The following ZNF600 variants were observed in gnomAD, a reference collection of about 807,000 sequenced individuals.
ZNF600 encodes the protein zinc finger protein 600, also known as zinc finger protein KR-ZNF1.
ZNF600 carries 4 observed loss-of-function variants against 7.3 expected under a neutral mutation model. That is an observed-to-expected ratio of 0.55 (90% CI 0.27 to 1.25). ZNF600 has a LOEUF of 1.25. Ranked by LOEUF, ZNF600 falls within the 50% of genes most tolerant of loss-of-function variation. The probability of loss-of-function intolerance (pLI) is 0.12; values close to 1 mark genes in which losing one functional copy is unlikely to be tolerated. For missense variants in ZNF600, 911 were observed against 922.1 expected (o/e 0.99, Z 0.16); for synonymous variants, 290 against 308.9 (o/e 0.94, Z 0.64).
At position 52,765,303 on chromosome 19, in the gene ZNF600, C is replaced by G. The variant is rs141033461; in HGVS notation, c.*284G>C. On this transcript the variant is annotated 3_prime_UTR_variant, in exon 4 of 4. Transcript: ENST00000648973. The stretch of plus-strand genomic sequence containing the variant: ...TCTCTGATGTCTAATGAGGTGTGAA[C>G]ATGAAGTAAAGGCTTTGCCACAATC... 1.2e-3 allele frequency: 803 copies of G among 653,468 alleles called. 4 individuals are homozygous for G. The African/African-American group carries it at 0.013, about 10-fold the overall frequency. The allele number at this position is 653,468 out of a possible 1,614,324, so 40.5% of individuals were successfully genotyped here. A position where few individuals can be genotyped will look rare whatever the true frequency, so the allele number is the denominator to read the frequency against.
exon 4 of ZNF600, chr19:52,767,143 G>A (rs748482282): frequency 1.2e-6 from 2 of 1,614,156 alleles, no homozygotes; most frequent in African/African-American, 1.3e-5. Context: ...TGGCATGTAA[G>A]GTATTGCTTG....
At chr19:52,773,569 G>C (rs1444271586) in intron 3 of ZNF600, among the ~76,000 whole-genome samples, 2 of 152,106 alleles carry the variant, frequency 1.3e-5, no homozygotes, top group Non-Finnish European at 2.9e-5. Flanking sequence ...AGGTAGAGAT[G>C]TGTTTGTGAA....
At chr19:52,772,970 A>G (rs567970437) in intron 3 of ZNF600, among the ~76,000 whole-genome samples, 62 of 152,378 alleles carry the variant, frequency 4.1e-4, no homozygotes, top group African/African-American at 1.4e-3. Context: ...CACTGATTTA[A>G]GCGGCCTCCT....
At chr19:52,773,729 C>A (rs561327504) in intron 3 of ZNF600, among the ~76,000 whole-genome samples, 1 of 152,012 alleles carries the variant, frequency 6.6e-6, no homozygotes, top group East Asian at 1.9e-4. Context: ...AATATTAGCC[C>A]GGCATGGTGG....
chr19:52,817,770 T>G, the ZNF600 span, among the ~76,000 whole-genome samples: 1 of 152,092 alleles, frequency 6.6e-6, no homozygotes. Flanking sequence ...TTCATGTCAC[T>G]GGGTCACCAG....
intron 2 of ZNF600, among the ~76,000 whole-genome samples, chr19:52,777,031 G>A (rs1381775307): frequency 6.6e-6 from 1 of 152,042 alleles, no homozygotes; most frequent in African/African-American, 2.4e-5. Context: ...ATGTAAGAAA[G>A]CATCCTGTAC....
At chr19:52,809,787 A>T in the ZNF600 span, 3 of 504,440 alleles carry the variant, frequency 5.9e-6, no homozygotes, top group Middle Eastern at 5.6e-4. Flanking sequence ...CCTGGGTGAC[A>T]GAGCGAAAAA....
chr19:52,790,445 T>C (rs1168388124), upstream of ZNF600, among the ~76,000 whole-genome samples: 1 of 152,088 alleles, frequency 6.6e-6, no homozygotes, highest in Non-Finnish European at 1.5e-5. Context: ...TGCAGTGAGT[T>C]GAGATCGCAT....
At chr19:52,784,245 GA>G (rs1318579661) in intron 1 of ZNF600, among the ~76,000 whole-genome samples, 1 of 148,272 alleles carries the variant, frequency 6.7e-6, no homozygotes, top group Non-Finnish European at 1.5e-5. Flanking sequence ...AACAAACAAA[GA>G]AAAAAAACAA....
At chr19:52,765,968 G>A (rs768900506) in exon 4 of ZNF600, 16 of 1,614,160 alleles carry the variant, frequency 9.9e-6, no homozygotes, top group Non-Finnish European at 1.4e-5. Flanking sequence ...GTCTTGCCAG[G>A]TATGAATTAC....
At chr19:52,780,369 T>C (rs1490334237) in intron 1 of ZNF600, among the ~76,000 whole-genome samples, 2 of 151,986 alleles carry the variant, frequency 1.3e-5, no homozygotes, top group Non-Finnish European at 2.9e-5. Context: ...AGGCTGCTTG[T>C]CACTTGCAGC....
At chr19:52,789,364 T>C (rs1327004605), upstream of ZNF600, among the ~76,000 whole-genome samples, 1 of 152,218 alleles carries the variant, frequency 6.6e-6, no homozygotes, top group East Asian at 1.9e-4. Flanking sequence ...GATGAGGTCT[T>C]GAAACATTTT....
the ZNF600 span, among the ~76,000 whole-genome samples, chr19:52,831,135 T>G: frequency 6.6e-6 from 1 of 152,226 alleles, no homozygotes; most frequent in East Asian, 1.9e-4. Context: ...ATTCCAGAAT[T>G]TCATACACAC....
At chr19:52,786,750 A>G in exon 1 of ZNF600, 1 of 376,946 alleles carries the variant, frequency 2.7e-6, no homozygotes, top group Admixed American at 2.6e-5. Context: ...TAGGACCTTC[A>G]CTCCACGCGA....
chr19:52,797,699 T>C, the ZNF600 span: 5 of 153,852 alleles, frequency 3.2e-5, no homozygotes, highest in East Asian at 9.7e-4. Context: ...ATCAAAATGA[T>C]TAAAAACATA....
the ZNF600 span, chr19:52,821,604 C>G: frequency 1.3e-5 from 2 of 152,174 alleles, no homozygotes; most frequent in Non-Finnish European, 1.5e-5. Context: ...GCGGCGTCAC[C>G]GTCATTCCAC....
At chr19:52,832,006 A>G in the ZNF600 span, among the ~76,000 whole-genome samples, 3,429 of 134,396 alleles carry the variant, frequency 0.026, 114 homozygotes, top group African/African-American at 0.081. Context: ...ATTATAAAAA[A>G]TAAAACAATG....
At chr19:52,814,355 C>T in the ZNF600 span, 2 of 146,528 alleles carry the variant, frequency 1.4e-5, 1 homozygote, top group African/African-American at 5.3e-5. Context: ...TTCTGTGAGG[C>T]TGAAGCAGGC....
At chr19:52,775,515 A>G (rs2147528914) in intron 2 of ZNF600, among the ~76,000 whole-genome samples, 1 of 152,236 alleles carries the variant, frequency 6.6e-6, no homozygotes, top group South Asian at 2.1e-4. Context: ...GCACCACTGC[A>G]CTTTAGCCTG....
Sources: allele counts gnomAD v4.1 joint callset (sites outside exome capture counted in the v4.1 genomes callset), GRCh38; gene constraint gnomAD v4.1.1; transcripts MANE v1.5; gene names NCBI Gene and HGNC (gene_info 2026-07-23, HGNC 2026-07-21).